The following GSK3B variants were observed in gnomAD, a reference collection of about 807,000 sequenced individuals.
GSK3B encodes glycogen synthase kinase-3 beta.
Under a neutral mutation model 56.4 loss-of-function variants are expected in GSK3B, and 15 were observed. That is an observed-to-expected ratio of 0.27 (90% CI 0.18 to 0.41). The LOEUF (loss-of-function observed/expected upper bound fraction) is 0.41. Among genes scored for constraint, GSK3B ranks in the 10% least tolerant of loss-of-function variants. The probability of loss-of-function intolerance (pLI) is 1.00; values close to 1 mark genes in which losing one functional copy is unlikely to be tolerated. For synonymous variants in GSK3B, 181 were observed against 188.9 expected, an observed-to-expected ratio of 0.96 and a Z score of 0.34; for missense variants, 300 against 513.4, an observed-to-expected ratio of 0.58 and a Z score of 4.02.
chr3:119,986,485 CA>C (rs112133344), intron 2 of GSK3B, among the ~76,000 whole-genome samples: 46 of 135,484 alleles, frequency 3.4e-4, no homozygotes, highest in African/African-American at 4.3e-4. Flanking sequence ...AACAAATTTA[CA>C]AAAAAAAAAA....
intron 7 of GSK3B, among the ~76,000 whole-genome samples, chr3:119,888,388 T>C (rs2056464022): frequency 6.6e-6 from 1 of 152,176 alleles, no homozygotes; most frequent in Admixed American, 6.6e-5. Flanking sequence ...TTTACTTCAA[T>C]CTCTGAACAT....
At chr3:119,871,942 G>A (rs75978071) in intron 8 of GSK3B, among the ~76,000 whole-genome samples, 9,398 of 152,090 alleles carry the variant, frequency 0.062, 913 homozygotes, top group African/African-American at 0.21. Flanking sequence ...TTATTCTTTT[G>A]TTACTCTGAA....
At chr3:119,947,142 T>A in intron 3 of GSK3B, 126 bp downstream of exon 3, 1 of 647,934 alleles carries the variant, frequency 1.5e-6, no homozygotes, top group African/African-American at 1.8e-5. Flanking sequence ...TGAGTATTGC[T>A]GGGGCAAGTG....
At chr3:120,021,402 G>C (rs2057876266) in intron 1 of GSK3B, among the ~76,000 whole-genome samples, 1 of 151,580 alleles carries the variant, frequency 6.6e-6, no homozygotes, top group Admixed American at 6.6e-5. Flanking sequence ...TGTAATCCCA[G>C]CTACTCGGGA....
chr3:119,999,646 G>C (rs186058050), intron 2 of GSK3B, among the ~76,000 whole-genome samples: 2 of 152,154 alleles, frequency 1.3e-5, no homozygotes, highest in Non-Finnish European at 2.9e-5. Flanking sequence ...TGGACAATAT[G>C]GGCTCGAGGA....
At chr3:120,046,136 T>A (rs1286247134) in intron 1 of GSK3B, among the ~76,000 whole-genome samples, 2 of 152,000 alleles carry the variant, frequency 1.3e-5, no homozygotes, top group South Asian at 2.1e-4. Context: ...AATAGGTGGA[T>A]GTTGGGATTC....
intron 1 of GSK3B, among the ~76,000 whole-genome samples, chr3:120,027,066 C>T (rs1279658487): frequency 1.1e-5 from 1 of 87,688 alleles, no homozygotes. Flanking sequence ...GCAAGACTTC[C>T]AAAAAAAAAA....
chr3:119,936,253 G>C (rs1396350230), intron 3 of GSK3B, among the ~76,000 whole-genome samples: 3 of 148,466 alleles, frequency 2.0e-5, no homozygotes, highest in Non-Finnish European at 1.5e-5. Flanking sequence ...TAGCCAGAAC[G>C]GTGTCCAGAA....
rs192832496 is a variant in GSK3B, at chr3:119,854,504, C to T, written c.1096+8915G>A. Among the ~76,000 whole-genome samples the T allele has an allele frequency of 4.2e-3, 643 of 152,270 alleles. 1 individual carries two copies. Among genetic ancestry groups the T allele is most frequent in the African/African-American group, 0.015 (607 of 41,556 alleles). On this transcript the variant is annotated intron_variant, in intron 9 of 10. Transcript: ENST00000264235. ...GTTTCAGAAGGAATGGTACCAGCTC[C>T]TCTGTGTACCTCTGGTAGATTTTGG...
chr3:120,023,991 A>T (rs2057902129), intron 1 of GSK3B, among the ~76,000 whole-genome samples: 1 of 152,188 alleles, frequency 6.6e-6, no homozygotes, highest in East Asian at 1.9e-4. Context: ...AAATGTTCCA[A>T]ATATTCTAAC....
chr3:120,064,980 T>A (rs1576305482), intron 1 of GSK3B, among the ~76,000 whole-genome samples: 1 of 152,294 alleles, frequency 6.6e-6, no homozygotes, highest in African/African-American at 2.4e-5. Context: ...TAACTCAAAA[T>A]GGATCAGAGA....
chr3:119,956,099 A>G (rs995030958), intron 2 of GSK3B, among the ~76,000 whole-genome samples: 1 of 152,224 alleles, frequency 6.6e-6, no homozygotes, highest in African/African-American at 2.4e-5. Flanking sequence ...AATAGTAGTG[A>G]TCACCTACTG....
intron 3 of GSK3B, among the ~76,000 whole-genome samples, chr3:119,935,329 TAAAG>T (rs1310168841): frequency 7.2e-5 from 11 of 152,108 alleles, no homozygotes; most frequent in Non-Finnish European, 1.5e-4. Context: ...TATAGTAAGA[TAAAG>T]AGAGAGGAAA....
chr3:119,964,004 G>C (rs986348060), intron 2 of GSK3B, among the ~76,000 whole-genome samples: 2 of 152,140 alleles, frequency 1.3e-5, no homozygotes, highest in Non-Finnish European at 2.9e-5. Flanking sequence ...AAATAGACAA[G>C]TGGGACTATA....
chr3:120,056,483 G>A (rs2058192003), intron 1 of GSK3B, among the ~76,000 whole-genome samples: 1 of 152,158 alleles, frequency 6.6e-6, no homozygotes, highest in African/African-American at 2.4e-5. Flanking sequence ...GGGATTACAG[G>A]CGTGCACCAC....
At position 119,923,696 on chromosome 3, in the gene GSK3B, A is replaced by T. The variant is rs149338078; in HGVS notation, c.367-213T>A. Among the ~76,000 whole-genome samples, 360 of 152,344 alleles carry T rather than the reference A, an allele frequency of 2.4e-3. 2 individuals are homozygous for T. The highest frequency in any genetic ancestry group is 8.2e-3 in the African/African-American group (339 of 41,576). ...TTACTAATAATTCAATGGGGAAAAA[A>T]TAGTCATTTCAATATTGTTAAGATT... On this transcript the variant is annotated intron_variant, in intron 3 of 10. Coordinates refer to ENST00000264235, the MANE Select transcript of GSK3B (RefSeq NM_001146156.2).
intron 9 of GSK3B, among the ~76,000 whole-genome samples, chr3:119,848,191 T>A (rs1272622942): frequency 6.6e-6 from 1 of 152,198 alleles, no homozygotes; most frequent in Non-Finnish European, 1.5e-5. Flanking sequence ...GCATTTTTTG[T>A]TAGTTTTAGG....
At chr3:119,995,845 C>A (rs2057611951) in intron 2 of GSK3B, among the ~76,000 whole-genome samples, 2 of 151,158 alleles carry the variant, frequency 1.3e-5, no homozygotes, top group African/African-American at 4.9e-5. Flanking sequence ...TCAAGTAATT[C>A]TCCTGCCTCA....
intron 7 of GSK3B, among the ~76,000 whole-genome samples, chr3:119,885,190 A>G (rs1037011522): frequency 6.6e-5 from 10 of 152,008 alleles, no homozygotes; most frequent in Admixed American, 4.6e-4. Context: ...ATTTCTATAC[A>G]CCAATAATGT....
Sources: allele counts gnomAD v4.1 joint callset (sites outside exome capture counted in the v4.1 genomes callset), GRCh38; gene constraint gnomAD v4.1.1; transcripts MANE v1.5; gene names NCBI Gene and HGNC (gene_info 2026-07-23, HGNC 2026-07-21).